CDH4: variants seen among roughly 807,000 people sequenced by gnomAD.
CDH4 encodes cadherin 4.
Under a neutral mutation model 86.0 loss-of-function variants are expected in CDH4, and 33 were observed. That is an observed-to-expected ratio of 0.38 (90% CI 0.29 to 0.51). The LOEUF (loss-of-function observed/expected upper bound fraction) is 0.51, where lower values mean the gene tolerates loss of function less well. Ranked by LOEUF, CDH4 falls within the 20% of genes least tolerant of loss-of-function variation. CDH4 has a pLI of 0.86. For missense variants in CDH4, 1,114 were observed against 1,307.4 expected (o/e 0.85, Z 2.28); for synonymous variants, 555 against 549.4 (o/e 1.01, Z -0.14).
intron 2 of CDH4, among the ~76,000 whole-genome samples, chr20:61,527,613 G>C (rs1199214204): frequency 2.6e-5 from 4 of 152,184 alleles, no homozygotes; most frequent in African/African-American, 9.7e-5. Flanking sequence ...TGAGGGAGGA[G>C]AACCTCTATC....
At chr20:61,790,426 ATCTC>A (rs2146014490) in intron 4 of CDH4, among the ~76,000 whole-genome samples, 1 of 146,422 alleles carries the variant, frequency 6.8e-6, no homozygotes, top group East Asian at 2.1e-4. Context: ...CTATCCATTC[ATCTC>A]TCCATCCATC....
intron 2 of CDH4, among the ~76,000 whole-genome samples, chr20:61,742,863 A>C (rs2088360629): frequency 6.6e-6 from 1 of 152,352 alleles, no homozygotes; most frequent in East Asian, 1.9e-4. Context: ...AGCAATGCTC[A>C]GCACCCAGCG....
chr20:61,371,179 C>G (rs1012170648), intron 2 of CDH4, among the ~76,000 whole-genome samples: 17 of 152,172 alleles, frequency 1.1e-4, no homozygotes, highest in Non-Finnish European at 8.8e-5. Flanking sequence ...TCTAGAGTGG[C>G]AGGGACTGGT....
intron 2 of CDH4, among the ~76,000 whole-genome samples, chr20:61,711,192 C>T (rs1219090892): frequency 6.6e-6 from 1 of 152,168 alleles, no homozygotes; most frequent in Non-Finnish European, 1.5e-5. Context: ...AGGGGTTCTT[C>T]CCCCTTCACC....
intron 2 of CDH4, among the ~76,000 whole-genome samples, chr20:61,498,762 A>G (rs2085679769): frequency 6.6e-6 from 1 of 152,130 alleles, no homozygotes; most frequent in African/African-American, 2.4e-5. Flanking sequence ...CTAAAAGAAA[A>G]TCGCAAAAAA....
intron 4 of CDH4, among the ~76,000 whole-genome samples, chr20:61,792,228 A>C (rs999034436): frequency 6.6e-6 from 1 of 152,024 alleles, no homozygotes; most frequent in Non-Finnish European, 1.5e-5. Flanking sequence ...GAGGAAAGGG[A>C]GCCATCGAGG....
At chr20:61,433,943 T>C (rs1283822502) in intron 2 of CDH4, among the ~76,000 whole-genome samples, 1 of 152,222 alleles carries the variant, frequency 6.6e-6, no homozygotes, top group Admixed American at 6.5e-5. Context: ...CCAGCTTACA[T>C]AGACCCACCC....
intron 3 of CDH4, among the ~76,000 whole-genome samples, chr20:61,750,493 C>T (rs2088479353): frequency 6.6e-6 from 1 of 152,212 alleles, no homozygotes; most frequent in South Asian, 2.1e-4. Flanking sequence ...ACTGTCCACA[C>T]CTGTTGGCTC....
intron 2 of CDH4, among the ~76,000 whole-genome samples, chr20:61,723,644 T>G (rs1223936123): frequency 6.6e-6 from 1 of 152,234 alleles, no homozygotes; most frequent in African/African-American, 2.4e-5. Flanking sequence ...ACAAGAGGGC[T>G]GACAGGGAGA....
chr20:61,526,569 A>G (rs2085912197), intron 2 of CDH4, among the ~76,000 whole-genome samples: 2 of 150,928 alleles, frequency 1.3e-5, no homozygotes, highest in Non-Finnish European at 2.9e-5. Context: ...ACATATGTAT[A>G]CATGTGCCAT....
At chr20:61,678,108 A>C (rs1008840187) in intron 2 of CDH4, among the ~76,000 whole-genome samples, 1 of 152,084 alleles carries the variant, frequency 6.6e-6, no homozygotes, top group Non-Finnish European at 1.5e-5. Flanking sequence ...TGGATGATAG[A>C]TGATACATTA....
At chr20:61,566,089 G>A (rs1050460548) in intron 2 of CDH4, among the ~76,000 whole-genome samples, 8 of 152,086 alleles carry the variant, frequency 5.3e-5, no homozygotes, top group African/African-American at 1.2e-4. Context: ...CTGGTGCCTC[G>A]GGCTGAGTCT....
At chr20:61,380,451 G>A (rs977907632) in intron 2 of CDH4, among the ~76,000 whole-genome samples, 101 of 152,106 alleles carry the variant, frequency 6.6e-4, no homozygotes, top group African/African-American at 2.0e-3. Context: ...ATGAGTGATC[G>A]GGTTTGTGTG....
rs1185511279 is a variant in CDH4 at position 61,657,442 on chromosome 20, G to A, written c.170-86121G>A. On this transcript the variant is annotated intron_variant, in intron 2 of 15. Transcript: ENST00000614565. The stretch of plus-strand genomic sequence containing the variant: ...ATACAACCACAAGACTATTTTCAAA[G>A]CACCTTAATAATGCCGAGCTTAACC... 3.9e-5 allele frequency among the ~76,000 whole-genome samples: 6 copies of A among 152,308 alleles called. No homozygotes were observed. The East Asian group carries it at 7.7e-4, about 20-fold the overall frequency.
intron 3 of CDH4, among the ~76,000 whole-genome samples, chr20:61,762,601 C>T (rs557544162): frequency 6.6e-6 from 1 of 152,220 alleles, no homozygotes; most frequent in Non-Finnish European, 1.5e-5. Flanking sequence ...GCCTGGAAGA[C>T]AAGGAGAGGC....
chr20:61,821,950 A>G (rs974116922), intron 4 of CDH4, among the ~76,000 whole-genome samples: 14 of 152,254 alleles, frequency 9.2e-5, no homozygotes, highest in African/African-American at 2.7e-4. Context: ...GGGTGCAGAC[A>G]GGATTCCCCA....
intron 2 of CDH4, among the ~76,000 whole-genome samples, chr20:61,330,436 T>C (rs1440906159): frequency 1.3e-5 from 2 of 152,192 alleles, no homozygotes; most frequent in East Asian, 1.9e-4. Flanking sequence ...TATCTCATTG[T>C]GGTTTTGATT....
At position 61,684,475 on chromosome 20, in the gene CDH4, G is replaced by T. The variant is rs890675305; in HGVS notation, c.170-59088G>T. On this transcript the variant is annotated intron_variant, in intron 2 of 15. Coordinates refer to ENST00000614565, the MANE Select transcript of CDH4 (RefSeq NM_001794.5). This position sits in a 1 kb window ranked among gnomAD's most constrained non-coding sequence, Gnocchi z 4.5. ...GACCTTTTATACAAAATAGCCTTGA[G>T]CCTGGGCAGAATTCGGAGGCAACCA... Among the ~76,000 whole-genome samples the T allele has an allele frequency of 1.3e-5, 2 of 152,168 alleles. No individual in the cohort carries two copies. The highest frequency in any genetic ancestry group is 2.9e-5 in the Non-Finnish European group (2 of 68,036).
intron 1 of CDH4, among the ~76,000 whole-genome samples, chr20:61,254,350 G>A (rs1032468983): frequency 1.3e-5 from 2 of 152,162 alleles, no homozygotes; most frequent in African/African-American, 4.8e-5. Flanking sequence ...CCTCCCTCCC[G>A]GTGACCTGGA....
Sources: gnomAD v4.1 joint callset for allele counts (sites outside exome capture counted in the v4.1 genomes callset) on GRCh38, gnomAD v4.1.1 for gene constraint, Gnocchi (gnomAD v3.1) non-coding constraint, MANE v1.5 for transcripts, NCBI Gene and HGNC (gene_info 2026-07-23, HGNC 2026-07-21) for gene names.